The following SIM2 variants were observed in gnomAD, a reference collection of about 807,000 sequenced individuals.
SIM2 encodes single-minded homolog 2.
Under a neutral mutation model 64.8 loss-of-function variants are expected in SIM2, and 28 were observed. The ratio of observed to expected loss-of-function variants is 0.43; its 90% CI spans 0.32 to 0.59. The LOEUF is 0.59. SIM2 is among the 20% of genes least tolerant of loss of function. The pLI, the probability that SIM2 is intolerant of heterozygous loss-of-function variation, is 0.07. For synonymous variants in SIM2, 408 were observed against 391.1 expected (o/e 1.04, Z -0.51); for missense variants, 847 against 871.4 (o/e 0.97, Z 0.35).
At chr21:36,736,630 C>T (rs1003546460) in intron 7 of SIM2, among the ~76,000 whole-genome samples, 1 of 152,064 alleles carries the variant, frequency 6.6e-6, no homozygotes, top group Non-Finnish European at 1.5e-5. Flanking sequence ...AGGGGGCATG[C>T]GGGCGTCATG....
At chr21:36,725,937 A>G (rs1395056171) in intron 5 of SIM2, among the ~76,000 whole-genome samples, 182 bp from the exon 6 acceptor site, 3 of 152,198 alleles carry the variant, frequency 2.0e-5, no homozygotes, top group Non-Finnish European at 4.4e-5. Flanking sequence ...TTGTTTCCTA[A>G]GAAGCACAGC....
Position 36,745,702 on chromosome 21 carries a change from C to T in SIM2, c.1576+566C>T. 1.6e-6 allele frequency: 2 copies of T among 1,247,852 alleles called. No individual in the cohort carries two copies. The highest frequency in any genetic ancestry group is 1.4e-5 in the South Asian group (1 of 73,318). 77.3% of individuals were successfully genotyped at this position (1,247,852 alleles called of 1,614,324 possible). ...TAAAATGGGGTGAAGCTGTGATGTG[C>T]CTACTCCCAAGGACACGACACACAG... is the stretch of plus-strand genomic sequence containing the variant. On this transcript the variant is annotated intron_variant, in intron 10 of 10. Coordinates refer to ENST00000290399, the MANE Select transcript of SIM2 (RefSeq NM_005069.6). The surrounding 1 kb of genome is among the most constrained non-coding windows in gnomAD (Gnocchi z 4.8).
At chr21:36,727,672 C>A (rs1180720463) in intron 6 of SIM2, among the ~76,000 whole-genome samples, 1 of 152,086 alleles carries the variant, frequency 6.6e-6, no homozygotes, top group Non-Finnish European at 1.5e-5. Context: ...CATCAGAGAC[C>A]CCGCTCCTGG....
chr21:36,726,047 A>C lies in SIM2; in HGVS notation c.544-72A>C. ...GGAGATATTCTAGCATGTTTGAGAAAATGAGCCAGGAGGAGTGGGCTCCAG... is the reference window on the plus strand; with the variant it reads ...GGAGATATTCTAGCATGTTTGAGAACATGAGCCAGGAGGAGTGGGCTCCAG... On this transcript the variant is annotated intron_variant, in intron 5 of 10. Transcript: ENST00000290399. The surrounding 1 kb of genome is among the most constrained non-coding windows in gnomAD (Gnocchi z 4.5). 7.8e-7 allele frequency: 1 copy of C among 1,276,566 alleles called. No individual in the cohort carries two copies. The highest frequency in any genetic ancestry group is 2.3e-5 in the East Asian group (1 of 43,038). The allele number at this position is 1,276,566 out of a possible 1,614,324, so 79.1% of individuals were successfully genotyped here.
At chr21:36,711,838 A>G (rs2088681287) in intron 2 of SIM2, among the ~76,000 whole-genome samples, 1 of 152,200 alleles carries the variant, frequency 6.6e-6, no homozygotes, top group Non-Finnish European at 1.5e-5. Flanking sequence ...TACCTCTTAT[A>G]GTTTTACTTT....
rs1325685016 is a variant in SIM2, at chr21:36,726,646, G to A, written c.743+328G>A. ...ATGAAAACATGGGCTGTGAGCACAG[G>A]TTGGGCTTTTTTGAAGGCCATGATG... On this transcript the variant is annotated intron_variant, in intron 6 of 10. Transcript: ENST00000290399. The surrounding 1 kb of genome is among the most constrained non-coding windows in gnomAD (Gnocchi z 4.5). Among the ~76,000 whole-genome samples the A allele has an allele frequency of 6.6e-6, 1 of 152,178 alleles. No homozygotes were observed. Among genetic ancestry groups the A allele is most frequent in the African/African-American group, 2.4e-5 (1 of 41,426 alleles).
Position 36,741,722 on chromosome 21 carries a change from G to A in SIM2, c.856G>A (p.Val286Met), listed in dbSNP as rs1447452029. The A allele has an allele frequency of 3.7e-6, 6 of 1,612,920 alleles. No individual in the cohort carries two copies. In the South Asian group the frequency reaches 6.6e-5, roughly 18 times the overall value. Residue 286 changes from valine to methionine, a missense_variant, in exon 8 of 11, where the codon GTG becomes ATG. Transcript: ENST00000290399. Reference sequence around the variant, plus strand: ...CTGTCACCTTGTGCTTGCAGTGTTGGTGAAGGGCCAGGTCACCACCAAGTA... The same window carrying A: ...CTGTCACCTTGTGCTTGCAGTGTTGATGAAGGGCCAGGTCACCACCAAGTA... ...HLRYAHHLLLVKGQVTTKYYR... is the reference protein window; with the variant it reads ...HLRYAHHLLLMKGQVTTKYYR...
chr21:36,705,274 G>T (rs905203998), intron 1 of SIM2, among the ~76,000 whole-genome samples: 11 of 152,218 alleles, frequency 7.2e-5, no homozygotes, highest in African/African-American at 2.7e-4. Flanking sequence ...GAGGCAGCCG[G>T]TCCTCACCCT....
chr21:36,726,976 G>GT lies in SIM2; in HGVS notation c.743+664dup, dbSNP rs1216499258. On this transcript the variant is annotated intron_variant, in intron 6 of 10. Transcript: ENST00000290399. The surrounding 1 kb of genome is among the most constrained non-coding windows in gnomAD (Gnocchi z 4.5). ...TCCCCTAGAACCGGCTGCAGTCCCAGTTTTTTAACTGAGTCTGCAGTTAAA... is the reference window on the plus strand; with the variant it reads ...TCCCCTAGAACCGGCTGCAGTCCCAGTTTTTTTAACTGAGTCTGCAGTTAAA... 2.0e-5 allele frequency among the ~76,000 whole-genome samples: 3 copies of GT among 152,190 alleles called. No homozygotes were observed. The highest frequency in any genetic ancestry group is 1.5e-5 in the Non-Finnish European group (1 of 68,034).
rs888024583 is a variant in SIM2, at chr21:36,702,085, G to A, written c.175+2164G>A. On this transcript the variant is annotated intron_variant, in intron 1 of 10. Coordinates refer to ENST00000290399, the MANE Select transcript of SIM2 (RefSeq NM_005069.6). ...AGCCTGTTAAAAGATGCGAAGTGGT[G>A]GGTGTACCGCTCAGCCACCTTTAAA... Among the ~76,000 whole-genome samples, 5 of 152,320 alleles carry A rather than the reference G, an allele frequency of 3.3e-5. No homozygotes were observed. In the East Asian group the frequency reaches 9.7e-4, roughly 29 times the overall value.
chr21:36,702,938 GGAA>G (rs1317471554), intron 1 of SIM2, among the ~76,000 whole-genome samples: 609 of 28,372 alleles, frequency 0.021, 12 homozygotes, highest in African/African-American at 0.099. Context: ...GACTCTGGGA[GGAA>G]GAAAAAAAAA....
In SIM2 at chr21:36,726,524, G is replaced by C. The variant is rs1568933518; in HGVS notation, c.743+206G>C. ...GCTTGTTTTACTTTATTTACTTATT[G>C]ATTTACTTATTTTATTTACTTATTG... On this transcript the variant is annotated intron_variant, in intron 6 of 10. Transcript: ENST00000290399. This position sits in a 1 kb window ranked among gnomAD's most constrained non-coding sequence, Gnocchi z 4.5. Among the ~76,000 whole-genome samples, 1 of 152,128 alleles carries C rather than the reference G, an allele frequency of 6.6e-6. No individual in the cohort carries two copies. The highest frequency in any genetic ancestry group is 1.5e-5 in the Non-Finnish European group (1 of 68,020).
chr21:36,732,176 C>A lies in SIM2; in HGVS notation c.850+1025C>A, dbSNP rs374001788. On this transcript the variant is annotated intron_variant, in intron 7 of 10. Transcript: ENST00000290399. ...GGGATTACAGGCATGAGCCACCGCA[C>A]CCAGCCACACACTTTCAGAATCCAA... Among the ~76,000 whole-genome samples the A allele has an allele frequency of 9.2e-5, 14 of 152,352 alleles. No homozygotes were observed. The East Asian group carries it at 2.1e-3, about 23-fold the overall frequency.
In SIM2 at chr21:36,745,136, G is replaced by C. The variant is rs201126287; in HGVS notation, c.1576G>C (p.Ala526Pro). The C allele has an allele frequency of 2.5e-6, 4 of 1,607,572 alleles. No homozygotes were observed. The South Asian group carries it at 4.4e-5, about 18-fold the overall frequency. The change falls in exon 10 of 11, where the codon GCG becomes CCG. Residue 526 changes from alanine (A) to proline (P), a missense_variant and splice_region_variant. Physicochemically the swap from Ala to Pro is conservative, Grantham distance 27 (BLOSUM62 -1). This residue lies in a region of SIM2 where 447 missense variants were observed against 414.6 expected (regional missense o/e 1.08). Transcript: ENST00000290399. The surrounding 1 kb of genome is among the most constrained non-coding windows in gnomAD (Gnocchi z 4.8). ...GCACAGCCTGGTGCCAAGCTACGAA[G>C]GTGGGTCAGGTCTGCTCGTGGGGAA... ...ARHSLVPSYE[A>P]PAAAVRRFGE... is the part of the protein sequence containing the mutation.
chr21:36,707,325 G>A (rs991264471), intron 1 of SIM2, among the ~76,000 whole-genome samples: 2 of 152,210 alleles, frequency 1.3e-5, no homozygotes, highest in Non-Finnish European at 2.9e-5. Context: ...CGAGGCCTGG[G>A]AGGAAGGACC....
intron 3 of SIM2, among the ~76,000 whole-genome samples, chr21:36,716,076 C>A (rs146840200): frequency 6.6e-6 from 1 of 152,196 alleles, no homozygotes; most frequent in African/African-American, 2.4e-5. Context: ...TGGGCACACT[C>A]GCACACGTGT....
chr21:36,734,015 C>T (rs2123479932), intron 7 of SIM2, among the ~76,000 whole-genome samples: 1 of 152,228 alleles, frequency 6.6e-6, no homozygotes, highest in East Asian at 1.9e-4. Flanking sequence ...CCTCTCGTGC[C>T]CTTTTCCCAG....
intron 5 of SIM2, among the ~76,000 whole-genome samples, chr21:36,725,605 C>A (rs2088879492): frequency 1.3e-5 from 2 of 152,066 alleles, no homozygotes; most frequent in Admixed American, 1.3e-4. Context: ...TTGGATAAGA[C>A]AACCCTTATA....
intron 1 of SIM2, among the ~76,000 whole-genome samples, chr21:36,702,318 G>C (rs574301606): frequency 2.6e-4 from 39 of 152,328 alleles, no homozygotes; most frequent in East Asian, 2.5e-3. Context: ...GAAGGGAGCT[G>C]TTTGGCCCTA....
Sources: gnomAD v4.1 joint callset for allele counts (sites outside exome capture counted in the v4.1 genomes callset) on GRCh38, gnomAD v4.1.1 for gene constraint, gnomAD v4.1.1 regional missense constraint, Gnocchi (gnomAD v3.1) non-coding constraint, MANE v1.5 for transcripts, NCBI Gene and HGNC (gene_info 2026-07-23, HGNC 2026-07-21) for gene names.